HLA-DRB5: variants seen among roughly 807,000 people sequenced by gnomAD.
HLA-DRB5 encodes the protein major histocompatibility complex, class II, DR beta 5.
HLA-DRB5 carries 11 observed loss-of-function variants against 22.4 expected under a neutral mutation model. The ratio of observed to expected loss-of-function variants is 0.49; its 90% CI spans 0.31 to 0.81. The LOEUF (loss-of-function observed/expected upper bound fraction) is 0.81. Among genes scored for constraint, HLA-DRB5 ranks in the 40% least tolerant of loss-of-function variants. HLA-DRB5 has a pLI of 0.05. For missense variants in HLA-DRB5, 106 were observed against 274.4 expected (o/e 0.39, Z 4.34); for synonymous variants, 57 against 106.0 (o/e 0.54, Z 2.84).
chr6:32,528,260 T>C (rs72849295), intron 1 of HLA-DRB5, among the ~76,000 whole-genome samples: 1 of 118,156 alleles, frequency 8.5e-6, no homozygotes, highest in South Asian at 2.7e-4. Flanking sequence ...TTCAGTGCAC[T>C]ATGACTCTCT....
intron 1 of HLA-DRB5, among the ~76,000 whole-genome samples, chr6:32,527,674 G>C (rs192881841): frequency 0.012 from 379 of 32,598 alleles, 13 homozygotes; most frequent in Middle Eastern, 0.023. Context: ...GTCAGGAGTT[G>C]AAGACCAGCC....
Position 32,521,865 on chromosome 6 carries a change from AG to A in HLA-DRB5, c.370+39del, listed in dbSNP as rs772884171. ...CACACACACACACACTCAGATTCCC[AG>A]CTCACAAGGACCCAGGCCCCGCCCC... On this transcript the variant is annotated intron_variant, in intron 2 of 5. Coordinates refer to ENST00000374975, the MANE Select transcript of HLA-DRB5 (RefSeq NM_002125.4). 7,211 of 740,796 alleles carry A rather than the reference AG, an allele frequency of 9.7e-3. 1,423 individuals carry two copies. Among genetic ancestry groups the A allele is most frequent in the Non-Finnish European group, 0.012 (5,878 of 485,936 alleles). The allele number at this position is 740,796 out of a possible 1,614,324, so 45.9% of individuals were successfully genotyped here.
intron 5 of HLA-DRB5, 126 bp downstream of exon 5, chr6:32,517,928 A>AAATTG (rs1768318438): frequency 4.5e-6 from 1 of 222,826 alleles, no homozygotes; most frequent in Non-Finnish European, 7.4e-6. Context: ...GAGTTTTGGT[A>AAATTG]TAAATTGCCT....
rs1440357929 is a variant in HLA-DRB5 at position 32,525,327 on chromosome 6, A to G, written c.101-3153T>C. ...GATTTTTGTAAGTGTGAAATTTAAT[A>G]AAGAGTCTTCTTAGCAGTGATCACA... On this transcript the variant is annotated intron_variant, in intron 1 of 5. Transcript: ENST00000374975. Among the ~76,000 whole-genome samples the G allele has an allele frequency of 3.5e-4, 12 of 34,732 alleles. 1 individual carries two copies. Among genetic ancestry groups the G allele is most frequent in the East Asian group, 7.5e-4 (1 of 1,338 alleles). The allele number at this position is 34,732 out of a possible 152,430, so 22.8% of individuals were successfully genotyped here.
intron 1 of HLA-DRB5, among the ~76,000 whole-genome samples, chr6:32,524,402 T>A (rs17204294): frequency 0.41 from 42,944 of 104,998 alleles, 12,411 homozygotes; most frequent in Middle Eastern, 0.56. Flanking sequence ...TATTCCCATT[T>A]AATGCCCCAA....
At chr6:32,525,583 C>T (rs34358983) in intron 1 of HLA-DRB5, among the ~76,000 whole-genome samples, 81,017 of 100,520 alleles carry the variant, frequency 0.81, 34,572 homozygotes, top group Middle Eastern at 0.89. Context: ...ACAAAAGGCA[C>T]CTGCTGACAT....
chr6:32,524,557 A>T, intron 1 of HLA-DRB5, among the ~76,000 whole-genome samples: 1 of 72,358 alleles, frequency 1.4e-5, no homozygotes, highest in South Asian at 3.9e-4. Flanking sequence ...TCATACAGAC[A>T]GTTTACAAAA....
intron 1 of HLA-DRB5, among the ~76,000 whole-genome samples, chr6:32,529,183 C>T (rs113303891): frequency 0.19 from 22,631 of 118,562 alleles, 28 homozygotes; most frequent in Admixed American, 0.23. Context: ...ACTTTCAGCC[C>T]TATGAGATGT....
rs143960829 is a variant in HLA-DRB5 at position 32,517,766 on chromosome 6, G to A, written c.788-14C>T. 1,229 of 465,400 alleles carry A rather than the reference G, an allele frequency of 2.6e-3. 39 individuals carry two copies. The highest frequency in any genetic ancestry group is 6.4e-3 in the Admixed American group (77 of 12,074). The allele number at this position is 465,400 out of a possible 1,614,324, so 28.8% of individuals were successfully genotyped here. A position where few individuals can be genotyped will look rare whatever the true frequency, so the allele number is the denominator to read the frequency against. Reference sequence around the variant, plus strand: ...AGCTCACGAGTCCTGCAGAGAGAGAGGAAAGTGTTGTTTTCAGACCTGGTT... The same window carrying A: ...AGCTCACGAGTCCTGCAGAGAGAGAAGAAAGTGTTGTTTTCAGACCTGGTT... On this transcript the variant is annotated splice_polypyrimidine_tract_variant and intron_variant, in intron 5 of 5. Transcript: ENST00000374975.
intron 5 of HLA-DRB5, 73 bp from the exon 6 acceptor site, chr6:32,517,825 C>T: frequency 2.2e-6 from 1 of 453,144 alleles, no homozygotes; most frequent in Non-Finnish European, 3.4e-6. Context: ...CTTTCAAGGA[C>T]TCAGATGAGA....
chr6:32,524,459 A>C (rs369567578), intron 1 of HLA-DRB5, among the ~76,000 whole-genome samples: 1,809 of 100,340 alleles, frequency 0.018, 2 homozygotes, highest in East Asian at 0.043. Context: ...ACTAGCAGGC[A>C]TCAAATTACC....
At chr6:32,523,685 C>A (rs1213109337) in intron 1 of HLA-DRB5, among the ~76,000 whole-genome samples, 1,272 of 114,820 alleles carry the variant, frequency 0.011, no homozygotes, top group Non-Finnish European at 0.015. Flanking sequence ...AGCTATTAAA[C>A]TTGCATTGAC....
chr6:32,529,440 T>A (rs1253901408), intron 1 of HLA-DRB5, among the ~76,000 whole-genome samples: 8 of 58,512 alleles, frequency 1.4e-4, no homozygotes, highest in Admixed American at 2.1e-4. Flanking sequence ...GAGGATGCCT[T>A]AAGTCCTTTA....
rs1327763573 is a variant in HLA-DRB5, at chr6:32,524,919, C to T, written c.101-2745G>A. ...TAGGAACCTGTTTGTTATCTGACAA[C>T]CCTAGCCAGACTTGCTAGTCAAACC... On this transcript the variant is annotated intron_variant, in intron 1 of 5. Transcript: ENST00000374975. Among the ~76,000 whole-genome samples the T allele has an allele frequency of 4.1e-4, 16 of 39,320 alleles. 1 individual carries two copies. Among genetic ancestry groups the T allele is most frequent in the East Asian group, 7.1e-4 (1 of 1,416 alleles). 25.8% of individuals were successfully genotyped at this position (39,320 alleles called of 152,430 possible).
At chr6:32,526,114 A>C (rs186744924) in intron 1 of HLA-DRB5, among the ~76,000 whole-genome samples, 5,595 of 88,970 alleles carry the variant, frequency 0.063, 27 homozygotes, top group Admixed American at 0.094. Context: ...AAAACAGTCA[A>C]CCTTAACCTT....
At chr6:32,518,848 G>C (rs142829465) in intron 3 of HLA-DRB5, among the ~76,000 whole-genome samples, 182 bp from the exon 4 acceptor site, 21,176 of 45,170 alleles carry the variant, frequency 0.47, 8,795 homozygotes, top group Middle Eastern at 0.74. Context: ...AAGTTTCAGG[G>C]ATCAAATTCA....
In HLA-DRB5 at chr6:32,526,329, TG is replaced by T. The variant is rs1236296335; in HGVS notation, c.100+3795del. Among the ~76,000 whole-genome samples, 7 of 36,856 alleles carry T rather than the reference TG, an allele frequency of 1.9e-4. 1 individual carries two copies. Among genetic ancestry groups the T allele is most frequent in the Admixed American group, 3.6e-4 (1 of 2,766 alleles). 24.2% of individuals were successfully genotyped at this position (36,856 alleles called of 152,430 possible). ...ATCTATTTTTCTTGACTTACACATA[TG>T]ATGTAATCTTGGTTTTTTCCCAACA... is the stretch of plus-strand genomic sequence containing the variant. On this transcript the variant is annotated intron_variant, in intron 1 of 5. Coordinates refer to ENST00000374975, the MANE Select transcript of HLA-DRB5 (RefSeq NM_002125.4).
At chr6:32,522,333 C>A (rs113777123) in intron 1 of HLA-DRB5, among the ~76,000 whole-genome samples, 159 bp from the exon 2 acceptor site, 6 of 27,120 alleles carry the variant, frequency 2.2e-4, no homozygotes, top group South Asian at 9.0e-4. Flanking sequence ...GCTCATCCTC[C>A]GTCTTCCTGA....
chr6:32,520,758 A>ATAAATTTCACAATATATTTGATTAAAT (rs1562429416), intron 2 of HLA-DRB5, among the ~76,000 whole-genome samples: 4 of 49,158 alleles, frequency 8.1e-5, no homozygotes, highest in Admixed American at 2.8e-4. Context: ...AACCATTAAT[A>ATAAATTTCACAATATATTTGATTAAAT]AAAGTTTTGG....
Sources: gnomAD v4.1 joint callset for allele counts (sites outside exome capture counted in the v4.1 genomes callset) on GRCh38, gnomAD v4.1.1 for gene constraint, MANE v1.5 for transcripts, NCBI Gene and HGNC (gene_info 2026-07-23, HGNC 2026-07-21) for gene names.